The following MYO1H variants were observed in gnomAD, a reference collection of about 807,000 sequenced individuals.
The protein encoded by MYO1H is myosin IH, also known as unconventional myosin-Ih.
MYO1H carries 118 observed loss-of-function variants against 149.3 expected under a neutral mutation model. The observed-to-expected ratio is 0.79, with a 90% CI of 0.68 to 0.92. The LOEUF is 0.92. Among genes scored for constraint, MYO1H ranks in the 40% least tolerant of loss-of-function variants. The pLI, the probability that MYO1H is intolerant of heterozygous loss-of-function variation, is 0.00. For missense variants in MYO1H, 1,212 were observed against 1,280.7 expected, an observed-to-expected ratio of 0.95 and a Z score of 0.82; for synonymous variants, 447 against 465.2, an observed-to-expected ratio of 0.96 and a Z score of 0.50.
chr12:109,320,191 G>A, the MYO1H span, among the ~76,000 whole-genome samples: 1 of 152,162 alleles, frequency 6.6e-6, no homozygotes, highest in Non-Finnish European at 1.5e-5. Flanking sequence ...GGAGGTTCCT[G>A]TAGTCCCAGC....
intron 1 of MYO1H, among the ~76,000 whole-genome samples, chr12:109,350,513 G>A (rs183387956): frequency 2.0e-5 from 3 of 152,260 alleles, no homozygotes; most frequent in East Asian, 1.9e-4. Context: ...ACCTTCCACC[G>A]AGGTTGTAAG....
upstream of MYO1H, among the ~76,000 whole-genome samples, chr12:109,343,969 T>G (rs538927272): frequency 2.1e-4 from 32 of 152,220 alleles, no homozygotes; most frequent in Non-Finnish European, 4.3e-4. Context: ...ACATTCCATT[T>G]AGTCATCATG....
chr12:109,440,900 T>A, intron 25 of MYO1H, 73 bp downstream of exon 25: 6 of 1,077,192 alleles, frequency 5.6e-6, no homozygotes, highest in African/African-American at 1.6e-5. Flanking sequence ...TCAGTCCTCC[T>A]CATCCACCAT....
At chr12:109,443,114 G>GTA (rs762250854) in intron 27 of MYO1H, among the ~76,000 whole-genome samples, 6,166 of 12,022 alleles carry the variant, frequency 0.51, 1,733 homozygotes, top group Middle Eastern at 0.63. Flanking sequence ...GTATATGTGT[G>GTA]TATATGTGTA....
intron 1 of MYO1H, 57 bp downstream of exon 1, chr12:109,348,029 G>T (rs1184265727): frequency 1.5e-5 from 6 of 398,922 alleles, no homozygotes; most frequent in Non-Finnish European, 2.7e-5. Context: ...TTTCTACCAA[G>T]AACTTTCCAA....
At chr12:109,330,300 A>G in the MYO1H span, among the ~76,000 whole-genome samples, 18 of 152,234 alleles carry the variant, frequency 1.2e-4, no homozygotes, top group Non-Finnish European at 1.9e-4. Flanking sequence ...ACATATATAC[A>G]TACACACATG....
At chr12:109,393,613 A>G (rs972140358) in intron 3 of MYO1H, among the ~76,000 whole-genome samples, 167 bp downstream of exon 3, 5 of 151,362 alleles carry the variant, frequency 3.3e-5, no homozygotes, top group African/African-American at 1.2e-4. Context: ...CCATCCACCT[A>G]TCTATCCATC....
chr12:109,322,868 G>A, the MYO1H span, among the ~76,000 whole-genome samples: 1 of 150,686 alleles, frequency 6.6e-6, no homozygotes, highest in African/African-American at 2.4e-5. Context: ...TAGCACTTTA[G>A]GAGGCCGAGG....
chr12:109,374,178 G>C (rs551406886), intron 1 of MYO1H, among the ~76,000 whole-genome samples: 1 of 152,262 alleles, frequency 6.6e-6, no homozygotes, highest in South Asian at 2.1e-4. Flanking sequence ...CATTTTTGTT[G>C]AATCTATCCT....
chr12:109,357,566 G>A (rs1425115005), intron 1 of MYO1H, among the ~76,000 whole-genome samples: 1 of 152,158 alleles, frequency 6.6e-6, no homozygotes, highest in African/African-American at 2.4e-5. Context: ...AAATGTGTCT[G>A]TGTTCCAATA....
At position 109,348,031 on chromosome 12, in the gene MYO1H, A is replaced by C. The variant is rs369764684; in HGVS notation, c.12+59A>C. ...CCTGGTGACCTCTTTTCTACCAAGAACTTTCCAAATGGCTATAATGCTGGG... is the reference window on the plus strand; with the variant it reads ...CCTGGTGACCTCTTTTCTACCAAGACCTTTCCAAATGGCTATAATGCTGGG... On this transcript the variant is annotated intron_variant, in intron 1 of 31. Coordinates refer to ENST00000310903, the Ensembl canonical transcript of MYO1H. 2.0e-5 allele frequency: 8 copies of C among 398,956 alleles called. No homozygotes were observed. The South Asian group carries it at 1.0e-3, about 51-fold the overall frequency. The allele number at this position is 398,956 out of a possible 1,614,324, so 24.7% of individuals were successfully genotyped here. A position where few individuals can be genotyped will look rare whatever the true frequency, so the allele number is the denominator to read the frequency against.
At chr12:109,345,958 T>C (rs2048101447), upstream of MYO1H, among the ~76,000 whole-genome samples, 2 of 152,168 alleles carry the variant, frequency 1.3e-5, no homozygotes, top group Non-Finnish European at 2.9e-5. Flanking sequence ...AAAAGGGAGA[T>C]CATAGATAAT....
chr12:109,313,929 G>T, the MYO1H span, among the ~76,000 whole-genome samples: 3 of 152,028 alleles, frequency 2.0e-5, no homozygotes, highest in Non-Finnish European at 2.9e-5. Flanking sequence ...TTTTTCCCCA[G>T]TCTGGAGTGC....
At chr12:109,443,671 A>C in intron 28 of MYO1H, 22 bp downstream of exon 28, 1 of 1,613,000 alleles carries the variant, frequency 6.2e-7, no homozygotes, top group Non-Finnish European at 8.5e-7. Context: ...GCAATCTTTA[A>C]AACAATGCAC....
chr12:109,352,850 G>A (rs576822984), intron 1 of MYO1H, among the ~76,000 whole-genome samples: 1 of 152,050 alleles, frequency 6.6e-6, no homozygotes, highest in Non-Finnish European at 1.5e-5. Flanking sequence ...GAGGTAAATA[G>A]TATATACAAT....
At position 109,435,054 on chromosome 12, in the gene MYO1H, G is replaced by A. The variant is rs773911452; in HGVS notation, c.2081G>A (p.Arg694His). The change falls in exon 21 of 32, where the codon CGT becomes CAT. Residue 694 changes from arginine (R) to histidine (H), a missense_variant. Physicochemically the swap from Arg to His is conservative, Grantham distance 29 (BLOSUM62 0). Coordinates refer to ENST00000310903, the Ensembl canonical transcript of MYO1H. Reference sequence around the variant, plus strand: ...ACTTCTAGAACCAAAATATTCATTCGTTTCCCCAGAACTCTGTTTGCTACC... The same window carrying A: ...ACTTCTAGAACCAAAATATTCATTCATTTCCCCAGAACTCTGTTTGCTACC... The A allele has an allele frequency of 3.7e-5, 59 of 1,606,318 alleles. 1 individual carries two copies. The highest frequency in any genetic ancestry group is 1.6e-4 in the Middle Eastern group (1 of 6,070).
chr12:109,442,009 T>C, intron 26 of MYO1H, among the ~76,000 whole-genome samples: 1 of 152,134 alleles, frequency 6.6e-6, no homozygotes, highest in Non-Finnish European at 1.5e-5. Flanking sequence ...ATCATGCCAC[T>C]GCACTCCAGC....
chr12:109,338,765 CAAAAAAA>C, the MYO1H span, among the ~76,000 whole-genome samples: 45 of 87,308 alleles, frequency 5.2e-4, no homozygotes, highest in South Asian at 8.9e-4. Flanking sequence ...GACTCCATCT[CAAAAAAA>C]AAAAAAAAAA....
chr12:109,322,819 CAAAAAAAA>C, the MYO1H span, among the ~76,000 whole-genome samples: 3 of 77,102 alleles, frequency 3.9e-5, no homozygotes, highest in South Asian at 4.8e-4. Context: ...GACTCCGTCT[CAAAAAAAA>C]AAAAAAAAAA....
Sources: allele counts gnomAD v4.1 joint callset (sites outside exome capture counted in the v4.1 genomes callset), GRCh38; gene constraint gnomAD v4.1.1; transcripts MANE v1.5; gene names NCBI Gene and HGNC (gene_info 2026-07-23, HGNC 2026-07-21).